Variants in OPRM1 observed in about 807,000 individuals in gnomAD.
The protein encoded by OPRM1 is opioid receptor mu 1.
OPRM1 carries 27 observed loss-of-function variants against 31.8 expected under a neutral mutation model. The ratio of observed to expected loss-of-function variants is 0.85; its 90% CI spans 0.63 to 1.17. OPRM1 has a LOEUF of 1.17. Ranked by LOEUF, OPRM1 falls within the 50% of genes most tolerant of loss-of-function variation. The pLI, the probability that OPRM1 is intolerant of heterozygous loss-of-function variation, is 0.00. For synonymous variants in OPRM1, 196 were observed against 189.9 expected (o/e 1.03, Z -0.26); for missense variants, 536 against 511.1 (o/e 1.05, Z -0.47).
chr6:154,065,213 G>A (rs537213456), intron 1 of OPRM1, among the ~76,000 whole-genome samples: 10 of 147,830 alleles, frequency 6.8e-5, no homozygotes, highest in East Asian at 4.0e-4. Context: ...ACAGTGGCAC[G>A]ATCTCGGCTC....
At chr6:154,118,180 C>T (rs1797072661) in intron 3 of OPRM1, among the ~76,000 whole-genome samples, 1 of 151,986 alleles carries the variant, frequency 6.6e-6, no homozygotes, top group South Asian at 2.1e-4. Flanking sequence ...CAGTGGGGAT[C>T]AGGTAGGGTG....
At position 154,129,379 on chromosome 6, in the gene OPRM1, G is replaced by A. The variant is rs141637565; in HGVS notation, c.*10658G>A. Among the ~76,000 whole-genome samples, 1,526 of 152,276 alleles carry A rather than the reference G, an allele frequency of 0.01. 33 individuals are homozygous for A. Among genetic ancestry groups the A allele is most frequent in the African/African-American group, 0.034 (1,401 of 41,556 alleles). On this transcript the variant is annotated 3_prime_UTR_variant, in exon 4 of 4. Coordinates refer to ENST00000330432, the MANE Select transcript of OPRM1 (RefSeq NM_000914.5). ...TTTAACTACTGGGTTTAGGCCAGGC[G>A]GGCCCAGGCCTGGTTTCGGGCCTGG...
chr6:154,200,107 T>C lies in OPRM1; in HGVS notation c.1165-46586T>C, dbSNP rs557644409. The C allele has an allele frequency of 2.3e-5, 32 of 1,413,864 alleles. No homozygotes were observed. In the African/African-American group the frequency reaches 4.2e-4, roughly 19 times the overall value. 87.6% of individuals were successfully genotyped at this position (1,413,864 alleles called of 1,614,324 possible). Reference sequence around the variant, plus strand: ...CATGATTAAACCATCATTCTCTACCTTTTATTTTCAATCACGGTGTCCCCG... The same window carrying C: ...CATGATTAAACCATCATTCTCTACCCTTTATTTTCAATCACGGTGTCCCCG... On this transcript the variant is annotated intron_variant, in intron 3 of 3. Transcript: ENST00000337049.
intron 3 of OPRM1, among the ~76,000 whole-genome samples, chr6:154,149,634 G>GGAGA (rs1798446439): frequency 4.1e-5 from 6 of 147,140 alleles, no homozygotes; most frequent in African/African-American, 1.3e-4. Flanking sequence ...GCGTGTGTGT[G>GGAGA]TAGAGAGAGA....
chr6:154,142,755 G>A lies in OPRM1; in HGVS notation c.1164+51283G>A, dbSNP rs9479763. ...TTTTTCTGACTTATGCCCCTCAGTC[G>A]AATTCTTTCTACTGAGAAGGCAAGA... On this transcript the variant is annotated intron_variant, in intron 3 of 3. Coordinates refer to the OPRM1 transcript ENST00000337049. Among the ~76,000 whole-genome samples, 287 of 152,234 alleles carry A rather than the reference G, an allele frequency of 1.9e-3. 2 individuals carry two copies. The highest frequency in any genetic ancestry group is 6.4e-3 in the African/African-American group (267 of 41,546).
intron 3 of OPRM1, chr6:154,156,201 A>C (rs2128543895): frequency 6.6e-6 from 1 of 152,442 alleles, no homozygotes; most frequent in South Asian, 2.1e-4. Flanking sequence ...GCCCGCCAGC[A>C]GGTTGAGGCA....
intron 3 of OPRM1, among the ~76,000 whole-genome samples, chr6:154,230,649 A>G (rs1167753496): frequency 6.6e-6 from 1 of 152,208 alleles, no homozygotes; most frequent in Admixed American, 6.5e-5. Context: ...GTAATATAGG[A>G]AACTGTCATG....
chr6:154,102,975 C>A (rs1795077338), intron 3 of OPRM1, among the ~76,000 whole-genome samples: 1 of 147,824 alleles, frequency 6.8e-6, no homozygotes, highest in African/African-American at 2.5e-5. Context: ...AGGCACAATT[C>A]TTCAACCCTT....
rs1187761291 is a variant in OPRM1 at position 154,039,569 on chromosome 6, A to G, written c.25A>G (p.Asn9Asp). The G allele has an allele frequency of 2.5e-6, 4 of 1,613,080 alleles. No individual in the cohort carries two copies. Among genetic ancestry groups the G allele is most frequent in the Non-Finnish European group, 3.4e-6 (4 of 1,179,632 alleles). Residue 9 changes from asparagine (N) to aspartate (D), a missense_variant, in exon 1 of 4, where the codon AAC becomes GAC. Coordinates refer to ENST00000330432, the MANE Select transcript of OPRM1 (RefSeq NM_000914.5). ...CATGGACAGCAGCGCTGCCCCCACG[A>G]ACGCCAGCAATTGCACTGATGCCTT... MDSSAAPT[N>D]ASNCTDALAY...
In OPRM1 at chr6:154,091,408, G is replaced by A. The variant is rs201516315; in HGVS notation, c.1100G>A (p.Arg367Gln). 64 of 1,613,830 alleles carry A rather than the reference G, an allele frequency of 4.0e-5. No homozygotes were observed. Among genetic ancestry groups the A allele is most frequent in the South Asian group, 2.6e-4 (24 of 91,078 alleles). ...SSNIEQQNSTRIRQNTRDHPS... is the reference protein window; with the variant it reads ...SSNIEQQNSTQIRQNTRDHPS... Reference sequence around the variant, plus strand: ...AACATTGAGCAACAAAACTCCACTCGAATTCGTCAGAACACTAGAGACCAC... The same window carrying A: ...AACATTGAGCAACAAAACTCCACTCAAATTCGTCAGAACACTAGAGACCAC... Residue 367 changes from arginine (R) to glutamine (Q), a missense_variant, in exon 3 of 4, where the codon CGA becomes CAA. Physicochemically the swap from Arg to Gln is conservative, Grantham distance 43. Transcript: ENST00000330432.
intron 1 of OPRM1, among the ~76,000 whole-genome samples, chr6:154,018,514 T>TTC (rs1283889668): frequency 6.6e-6 from 1 of 151,718 alleles, no homozygotes; most frequent in Admixed American, 6.6e-5. Context: ...TCTTTTTTTT[T>TTC]TTTTTGTCTT....
chr6:154,045,504 C>T (rs1780943914), intron 1 of OPRM1, among the ~76,000 whole-genome samples: 1 of 152,172 alleles, frequency 6.6e-6, no homozygotes, highest in Non-Finnish European at 1.5e-5. Flanking sequence ...CCTTGCACCC[C>T]CATGCCACCC....
chr6:154,147,894 C>T (rs1240592451), intron 3 of OPRM1, among the ~76,000 whole-genome samples: 2 of 152,182 alleles, frequency 1.3e-5, no homozygotes, highest in East Asian at 3.9e-4. Flanking sequence ...CCCCTTGGTT[C>T]CTTGACCTAT....
At chr6:154,145,097 C>T (rs1605118) in intron 3 of OPRM1, among the ~76,000 whole-genome samples, 118,755 of 152,048 alleles carry the variant, frequency 0.78, 47,175 homozygotes, top group East Asian at 0.95. Context: ...GGATGTCCAC[C>T]CTCACTACTC....
At chr6:154,199,202 G>C (rs1776879109) in intron 3 of OPRM1, among the ~76,000 whole-genome samples, 1 of 152,164 alleles carries the variant, frequency 6.6e-6, no homozygotes, top group Non-Finnish European at 1.5e-5. Context: ...CAACCACACA[G>C]GAACATTCAG....
chr6:154,153,684 CAAAA>C (rs35352448), intron 3 of OPRM1, among the ~76,000 whole-genome samples: 1 of 89,482 alleles, frequency 1.1e-5, no homozygotes. Context: ...AACTCTATCT[CAAAA>C]AAAAAAAAAA....
At chr6:154,217,484 G>T (rs1396211588) in intron 3 of OPRM1, 1 of 151,646 alleles carries the variant, frequency 6.6e-6, no homozygotes, top group Non-Finnish European at 1.5e-5. Flanking sequence ...AAAGCTCATG[G>T]CACGAGCATC....
At chr6:154,066,090 AACCATCC>A (rs1785343574) in intron 1 of OPRM1, among the ~76,000 whole-genome samples, 1 of 152,184 alleles carries the variant, frequency 6.6e-6, no homozygotes, top group South Asian at 2.1e-4. Flanking sequence ...TCACATGTTG[AACCATCC>A]TTTCATTCCA....
intron 3 of OPRM1, among the ~76,000 whole-genome samples, chr6:154,219,562 G>C (rs1050186003): frequency 3.3e-5 from 5 of 152,028 alleles, no homozygotes; most frequent in Admixed American, 1.3e-4. Flanking sequence ...GCTAGCGGGC[G>C]AGACCTTGTG....
Sources: allele counts gnomAD v4.1 joint callset (sites outside exome capture counted in the v4.1 genomes callset), GRCh38; gene constraint gnomAD v4.1.1; transcripts MANE v1.5; gene names NCBI Gene and HGNC (gene_info 2026-07-23, HGNC 2026-07-21).